Variants in PMS1 observed in about 807,000 individuals in gnomAD.
PMS1 encodes PMS1 protein homolog 1.
A neutral mutation model predicts 93.1 loss-of-function variants in PMS1; 79 were observed. That is an observed-to-expected ratio of 0.85 (90% CI 0.71 to 1.02). The LOEUF is 1.02. Ranked by LOEUF, PMS1 falls within the 50% of genes least tolerant of loss-of-function variation. The pLI is 0.00. For missense variants in PMS1, 1,064 were observed against 1,085.3 expected, an observed-to-expected ratio of 0.98 and a Z score of 0.28; for synonymous variants, 335 against 363.4, an observed-to-expected ratio of 0.92 and a Z score of 0.89.
intron 5 of PMS1, among the ~76,000 whole-genome samples, chr2:189,827,243 A>G (rs1159303059): frequency 1.3e-5 from 2 of 152,206 alleles, no homozygotes; most frequent in African/African-American, 2.4e-5. Flanking sequence ...TATACTTATT[A>G]TTAACCCAAA....
intron 5 of PMS1, among the ~76,000 whole-genome samples, chr2:189,832,130 C>G (rs1575181557): frequency 6.6e-6 from 1 of 152,104 alleles, no homozygotes; most frequent in Admixed American, 6.5e-5. Context: ...TGGTTAGGTA[C>G]CAGGGAGCTA....
chr2:189,844,038 G>A lies in PMS1; in HGVS notation c.657G>A (p.Met219Ile), dbSNP rs1354659581. 6.2e-7 allele frequency: 1 copy of A among 1,613,798 alleles called. No individual in the cohort carries two copies. Among genetic ancestry groups the A allele is most frequent in the East Asian group, 2.2e-5 (1 of 44,858 alleles). Residue 219 changes from methionine (M) to isoleucine (I), a missense_variant, in exon 6 of 13, where the codon ATG becomes ATA. Coordinates refer to ENST00000441310, the MANE Select transcript of PMS1 (RefSeq NM_000534.5). ...ALMSVLGTAV[M>I]NNMESFQYHS... ...TGTCAGTTCTGGGGACTGCTGTTAT[G>A]AACAATATGGAATCCTTTCAGTACC...
At chr2:189,858,813 A>AT (rs938308533) in intron 9 of PMS1, among the ~76,000 whole-genome samples, 5 of 152,082 alleles carry the variant, frequency 3.3e-5, no homozygotes, top group Admixed American at 2.0e-4. Context: ...CAAAGGAGCC[A>AT]TTTTTTTAAT....
rs376273113 is a variant in PMS1, at chr2:189,844,747, C to G, written c.699+667C>G. 6.6e-5 allele frequency among the ~76,000 whole-genome samples: 10 copies of G among 151,860 alleles called. No individual in the cohort carries two copies. The East Asian group carries it at 1.5e-3, about 24-fold the overall frequency. ...CAGTTTAGATAGTACTTTTTTACTC[C>G]CTAATACTGGATGACGTTCTTAACT... On this transcript the variant is annotated intron_variant, in intron 6 of 12. Coordinates refer to ENST00000441310, the MANE Select transcript of PMS1 (RefSeq NM_000534.5).
At chr2:189,810,531 C>T (rs1270441730) in intron 4 of PMS1, among the ~76,000 whole-genome samples, 1 of 152,172 alleles carries the variant, frequency 6.6e-6, no homozygotes, top group East Asian at 1.9e-4. Flanking sequence ...CACTTGTGGG[C>T]AGACATGACA....
Position 189,804,318 on chromosome 2 carries a change from G to A in PMS1, c.316-1334G>A, listed in dbSNP as rs1298265096. Among the ~76,000 whole-genome samples the A allele has an allele frequency of 3.3e-5, 5 of 152,166 alleles. No homozygotes were observed. The East Asian group carries it at 7.7e-4, about 23-fold the overall frequency. ...TTCAAAGGGATAATTATGGAATAAT[G>A]AGCCACAGAAAAGAAAATCTCTAGC... is the stretch of plus-strand genomic sequence containing the variant. On this transcript the variant is annotated intron_variant, in intron 3 of 12. Coordinates refer to ENST00000441310, the MANE Select transcript of PMS1 (RefSeq NM_000534.5).
chr2:189,785,096 G>C lies in PMS1; in HGVS notation c.-21+503G>C, dbSNP rs150641539. On this transcript the variant is annotated intron_variant, in intron 1 of 12. Coordinates refer to ENST00000441310, the MANE Select transcript of PMS1 (RefSeq NM_000534.5). ...GGAAAGTCTTGATTAGGTTTTTTTG[G>C]AATCGCCTTTGAAATGTAATTTCCC... Among the ~76,000 whole-genome samples the C allele has an allele frequency of 2.4e-3, 362 of 152,284 alleles. 2 individuals carry two copies. The highest frequency in any genetic ancestry group is 8.7e-3 in the South Asian group (42 of 4,828).
At chr2:189,837,098 A>T (rs2053443380) in intron 5 of PMS1, among the ~76,000 whole-genome samples, 1 of 152,170 alleles carries the variant, frequency 6.6e-6, no homozygotes, top group Admixed American at 6.5e-5. Flanking sequence ...GCTTTATTTT[A>T]AAAATGTCAA....
intron 11 of PMS1, among the ~76,000 whole-genome samples, chr2:189,871,516 T>C (rs2057143483): frequency 6.6e-6 from 1 of 152,214 alleles, no homozygotes; most frequent in Admixed American, 6.5e-5. Context: ...TTCCAATAAA[T>C]TCCTCAATAT....
At chr2:189,792,225 C>T in intron 2 of PMS1, among the ~76,000 whole-genome samples, 1 of 152,068 alleles carries the variant, frequency 6.6e-6, no homozygotes, top group East Asian at 1.9e-4. Flanking sequence ...ATTCATATTT[C>T]CTTGTTTTAG....
intron 5 of PMS1, 33 bp downstream of exon 5, chr2:189,818,213 G>T: frequency 2.2e-6 from 3 of 1,366,014 alleles, no homozygotes; most frequent in Non-Finnish European, 3.1e-6. Flanking sequence ...AAGTTTCTGG[G>T]TATATGATAT....
At position 189,877,342 on chromosome 2, in the gene PMS1, A is replaced by G. The variant is rs765457307; in HGVS notation, c.2705A>G (p.Tyr902Cys). 2 of 1,613,244 alleles carry G rather than the reference A, an allele frequency of 1.2e-6. No homozygotes were observed. Among genetic ancestry groups the G allele is most frequent in the Non-Finnish European group, 8.5e-7 (1 of 1,179,128 alleles). Residue 902 changes from tyrosine (Y) to cysteine (C), a missense_variant, in exon 13 of 13, where the codon TAC (tyrosine) becomes TGC (cysteine). Tyr to Cys is a radical substitution (Grantham distance 194). Coordinates refer to ENST00000441310, the MANE Select transcript of PMS1 (RefSeq NM_000534.5). Reference sequence around the variant, plus strand: ...AAAGAGGACATCCAAGACATTATCTACAGAATGAAGCACCAGTTTGGAAAT... The same window carrying G: ...AAAGAGGACATCCAAGACATTATCTGCAGAATGAAGCACCAGTTTGGAAAT... The part of the protein sequence containing the change: ...LSKEDIQDII[Y>C]RMKHQFGNEI...
chr2:189,853,932 T>A lies in PMS1; in HGVS notation c.823-7T>A. 1 of 1,519,118 alleles carries A rather than the reference T, an allele frequency of 6.6e-7. No individual in the cohort carries two copies. The highest frequency in any genetic ancestry group is 1.2e-5 in the South Asian group (1 of 84,500). The allele number at this position is 1,519,118 out of a possible 1,614,324, so 94.1% of individuals were successfully genotyped here. Reference sequence around the variant, plus strand: ...TTTTTTCTTTTATTTATTACATGTATTTCTAGTTAATCCGACATCATTACA... The same window carrying A: ...TTTTTTCTTTTATTTATTACATGTAATTCTAGTTAATCCGACATCATTACA... On this transcript the variant is annotated splice_polypyrimidine_tract_variant and splice_region_variant and intron_variant, in intron 7 of 12. Transcript: ENST00000441310.
intron 5 of PMS1, among the ~76,000 whole-genome samples, chr2:189,837,725 A>G (rs2053508479): frequency 6.6e-6 from 1 of 152,204 alleles, no homozygotes; most frequent in Non-Finnish European, 1.5e-5. Flanking sequence ...CAACATAAAA[A>G]CATGAACATG....
intron 9 of PMS1, among the ~76,000 whole-genome samples, chr2:189,859,984 A>G (rs1399123695): frequency 6.6e-6 from 1 of 152,184 alleles, no homozygotes; most frequent in African/African-American, 2.4e-5. Context: ...AAGCAGATAT[A>G]TAAGGAATGC....
At chr2:189,847,623 T>G (rs1419669650) in intron 6 of PMS1, among the ~76,000 whole-genome samples, 1 of 152,196 alleles carries the variant, frequency 6.6e-6, no homozygotes, top group African/African-American at 2.4e-5. Context: ...GAGGTCAGTT[T>G]TGTTTTACTT....
At chr2:189,843,833 T>TGACA in intron 5 of PMS1, 131 bp from the exon 6 acceptor site, 2 of 770,804 alleles carry the variant, frequency 2.6e-6, no homozygotes, top group Non-Finnish European at 4.4e-6. Context: ...TCATAGCTCA[T>TGACA]GAATCTCTTC....
At chr2:189,818,687 A>G (rs1273413438) in intron 5 of PMS1, among the ~76,000 whole-genome samples, 1 of 152,164 alleles carries the variant, frequency 6.6e-6, no homozygotes, top group Non-Finnish European at 1.5e-5. Flanking sequence ...TTTGTTGCCT[A>G]ATATCTATAT....
intron 3 of PMS1, among the ~76,000 whole-genome samples, chr2:189,796,893 G>A (rs2049409422): frequency 6.6e-6 from 1 of 152,142 alleles, no homozygotes. Flanking sequence ...TATATATCCA[G>A]AAGTAGACTT....
Sources: allele counts gnomAD v4.1 joint callset (sites outside exome capture counted in the v4.1 genomes callset), GRCh38; gene constraint gnomAD v4.1.1; transcripts MANE v1.5; gene names NCBI Gene and HGNC (gene_info 2026-07-23, HGNC 2026-07-21).